Variants in DTNB observed in about 807,000 individuals in gnomAD.
DTNB encodes the protein dystrobrevin beta.
A neutral mutation model predicts 90.7 loss-of-function variants in DTNB; 63 were observed. The ratio of observed to expected loss-of-function variants is 0.69; its 90% CI spans 0.57 to 0.86. The LOEUF is 0.86. DTNB is among the 40% of genes least tolerant of loss of function. DTNB has a pLI of 0.00. For missense variants in DTNB, 744 were observed against 807.1 expected (o/e 0.92, Z 0.95); for synonymous variants, 277 against 286.7 (o/e 0.97, Z 0.34).
At chr2:25,648,993 C>CTTT (rs60749102) in intron 2 of DTNB, among the ~76,000 whole-genome samples, 9 of 93,988 alleles carry the variant, frequency 9.6e-5, no homozygotes, top group Non-Finnish European at 1.4e-4. Context: ...TCCTTCCTAC[C>CTTT]TTTTTTTTTT....
chr2:25,546,731 C>T (rs2082502318), intron 8 of DTNB, among the ~76,000 whole-genome samples: 2 of 152,188 alleles, frequency 1.3e-5, no homozygotes, highest in South Asian at 4.1e-4. Context: ...TATGTTTAAT[C>T]CAGCGTGCAT....
At chr2:25,500,454 C>T (rs540998699) in intron 9 of DTNB, among the ~76,000 whole-genome samples, 4 of 152,148 alleles carry the variant, frequency 2.6e-5, no homozygotes, top group African/African-American at 4.8e-5. Context: ...AGGCCAACTA[C>T]GCTGTTCAAT....
At chr2:25,616,931 CAAAAAA>C (rs70947896) in intron 4 of DTNB, among the ~76,000 whole-genome samples, 20 of 70,540 alleles carry the variant, frequency 2.8e-4, no homozygotes, top group South Asian at 1.4e-3. Context: ...GACCCCGTCT[CAAAAAA>C]AAAAAAAAAA....
chr2:25,554,718 A>G (rs2056977060), intron 8 of DTNB, among the ~76,000 whole-genome samples: 2 of 152,182 alleles, frequency 1.3e-5, no homozygotes, highest in Non-Finnish European at 2.9e-5. Flanking sequence ...ACTGAAAATA[A>G]CCACATCAAC....
chr2:25,585,510 T>C (rs992971875), intron 6 of DTNB, among the ~76,000 whole-genome samples: 5 of 152,130 alleles, frequency 3.3e-5, no homozygotes, highest in African/African-American at 1.2e-4. Context: ...CTTCCCTTCC[T>C]CCACCCTTGA....
intron 10 of DTNB, among the ~76,000 whole-genome samples, chr2:25,465,854 A>G (rs1162388333): frequency 6.6e-6 from 1 of 152,184 alleles, no homozygotes; most frequent in African/African-American, 2.4e-5. Context: ...ATTCTTTATT[A>G]TATTATAAAA....
intron 15 of DTNB, 38 bp downstream of exon 15, chr2:25,427,497 A>C (rs746769895): frequency 1.7e-5 from 28 of 1,601,388 alleles, no homozygotes; most frequent in Non-Finnish European, 8.5e-7. Context: ...TGGTGGGAGA[A>C]GAATGACAAG....
intron 1 of DTNB, among the ~76,000 whole-genome samples, chr2:25,670,989 T>A (rs746323509): frequency 3.9e-5 from 6 of 152,212 alleles, no homozygotes; most frequent in Non-Finnish European, 8.8e-5. Flanking sequence ...GCTGTCTCAA[T>A]GATCAGATTG....
intron 1 of DTNB, among the ~76,000 whole-genome samples, chr2:25,657,152 G>A (rs148448295): frequency 1.8e-3 from 270 of 152,200 alleles, no homozygotes; most frequent in Non-Finnish European, 2.5e-3. Flanking sequence ...CTCCAGCCTG[G>A]GTAACAGAGT....
chr2:25,536,376 G>A (rs377450232), intron 8 of DTNB, among the ~76,000 whole-genome samples: 21 of 152,306 alleles, frequency 1.4e-4, no homozygotes, highest in East Asian at 7.7e-4. Flanking sequence ...AGGTTGTAGC[G>A]AGCCGAGATC....
intron 18 of DTNB, chr2:25,386,100 T>A: frequency 1.0e-6 from 1 of 985,250 alleles, no homozygotes; most frequent in African/African-American, 1.7e-5. Flanking sequence ...CTGATGGGGG[T>A]TGAGAAACAG....
chr2:25,559,326 A>T (rs888142114), intron 8 of DTNB, among the ~76,000 whole-genome samples: 1 of 152,122 alleles, frequency 6.6e-6, no homozygotes, highest in Non-Finnish European at 1.5e-5. Flanking sequence ...CTAGGAGGAA[A>T]CCTGGCATTC....
At chr2:25,569,830 G>C (rs2059558221) in intron 8 of DTNB, among the ~76,000 whole-genome samples, 1 of 152,108 alleles carries the variant, frequency 6.6e-6, no homozygotes, top group Non-Finnish European at 1.5e-5. Flanking sequence ...GGGCGTGGTG[G>C]CTCAGACTGT....
intron 3 of DTNB, among the ~76,000 whole-genome samples, chr2:25,633,545 C>A (rs1007765500): frequency 2.8e-4 from 42 of 152,192 alleles, no homozygotes; most frequent in African/African-American, 9.9e-4. Flanking sequence ...CTGCCTTGGC[C>A]CCCCAAAGTG....
intron 10 of DTNB, among the ~76,000 whole-genome samples, chr2:25,459,175 T>C (rs2060535326): frequency 6.6e-6 from 1 of 152,270 alleles, no homozygotes; most frequent in Middle Eastern, 3.4e-3. Context: ...TGTAGGTTTA[T>C]AGTTTTTAAT....
intron 2 of DTNB, among the ~76,000 whole-genome samples, chr2:25,640,652 G>A (rs1211193598): frequency 6.6e-6 from 1 of 152,118 alleles, no homozygotes; most frequent in Non-Finnish European, 1.5e-5. Flanking sequence ...GCTCACACCT[G>A]TAATCTCAGT....
At chr2:25,497,143 G>C (rs1302159752) in intron 9 of DTNB, among the ~76,000 whole-genome samples, 1 of 152,162 alleles carries the variant, frequency 6.6e-6, no homozygotes, top group African/African-American at 2.4e-5. Flanking sequence ...GAGCATTTTG[G>C]GAAAGAGGAG....
chr2:25,421,546 AG>A (rs1327342788), intron 15 of DTNB, among the ~76,000 whole-genome samples: 1 of 152,256 alleles, frequency 6.6e-6, no homozygotes, highest in African/African-American at 2.4e-5. Context: ...TCTTGAGGCA[AG>A]GCAAACAGTC....
intron 9 of DTNB, among the ~76,000 whole-genome samples, chr2:25,519,387 T>TA (rs1262538793): frequency 2.7e-5 from 4 of 149,094 alleles, no homozygotes; most frequent in African/African-American, 9.9e-5. Flanking sequence ...TTTTTTTTTT[T>TA]ACTTTTGTTT....
Sources: gnomAD v4.1 joint callset for allele counts (sites outside exome capture counted in the v4.1 genomes callset) on GRCh38, gnomAD v4.1.1 for gene constraint, MANE v1.5 for transcripts, NCBI Gene and HGNC (gene_info 2026-07-23, HGNC 2026-07-21) for gene names.